Variants in LRP1B observed in about 807,000 individuals in gnomAD.
LRP1B encodes the protein low-density lipoprotein receptor-related protein 1B.
In LRP1B, 217 loss-of-function variants were observed where a neutral mutation model predicts 556.6. That is an observed-to-expected ratio of 0.39 (90% CI 0.35 to 0.44). LRP1B has a LOEUF of 0.44. Among genes scored for constraint, LRP1B ranks in the 20% least tolerant of loss-of-function variants. The probability of loss-of-function intolerance (pLI) is 1.00; values close to 1 mark genes in which losing one functional copy is unlikely to be tolerated. For missense variants in LRP1B, 5,053 were observed against 5,620.8 expected (o/e 0.90, Z 3.23); for synonymous variants, 2,047 against 1,865.8 (o/e 1.10, Z -2.50).
In LRP1B at chr2:142,023,918, A is replaced by C. The variant is rs572526222; in HGVS notation, c.82+106730T>G. ...TCTAGTTTTGCTTTTAATTTATATA[A>C]TACTACTACTTATTTTCTCTCTCAT... On this transcript the variant is annotated intron_variant, in intron 1 of 90. Transcript: ENST00000389484. Among the ~76,000 whole-genome samples the C allele has an allele frequency of 1.2e-4, 18 of 152,282 alleles. 1 individual carries two copies. The highest frequency in any genetic ancestry group is 3.4e-3 in the Middle Eastern group (1 of 294).
intron 32 of LRP1B, among the ~76,000 whole-genome samples, chr2:140,792,693 G>T (rs1231314104): frequency 6.6e-6 from 1 of 152,062 alleles, no homozygotes; most frequent in Non-Finnish European, 1.5e-5. Flanking sequence ...TAAGGAAAAA[G>T]AACCAGATGT....
chr2:140,429,188 T>C (rs983819579), intron 66 of LRP1B, among the ~76,000 whole-genome samples: 50 of 152,168 alleles, frequency 3.3e-4, no homozygotes, highest in Admixed American at 3.1e-3. Context: ...TGCTACAGCA[T>C]GGCCTTTTAA....
intron 7 of LRP1B, among the ~76,000 whole-genome samples, chr2:141,101,095 T>C (rs191827016): frequency 1.7e-4 from 26 of 152,066 alleles, no homozygotes; most frequent in African/African-American, 6.3e-4. Flanking sequence ...AGAGGAATGC[T>C]CACTGACTTG....
chr2:140,271,129 C>A (rs1682441340), intron 85 of LRP1B, among the ~76,000 whole-genome samples: 1 of 151,670 alleles, frequency 6.6e-6, no homozygotes, highest in Admixed American at 6.6e-5. Context: ...ACATTTTTTA[C>A]TTGCCATGTT....
At chr2:141,407,631 C>T (rs531707972) in intron 3 of LRP1B, among the ~76,000 whole-genome samples, 38 of 152,226 alleles carry the variant, frequency 2.5e-4, no homozygotes, top group African/African-American at 8.2e-4. Flanking sequence ...CTCTCACTTG[C>T]TCCTGCTTTC....
At chr2:141,820,392 T>C (rs1342688873) in intron 1 of LRP1B, among the ~76,000 whole-genome samples, 1 of 152,188 alleles carries the variant, frequency 6.6e-6, no homozygotes, top group Non-Finnish European at 1.5e-5. Flanking sequence ...CAAAAATGCT[T>C]GAACTAGGAC....
intron 2 of LRP1B, among the ~76,000 whole-genome samples, chr2:141,743,501 C>CTTTTTTTTTTTTTTTTTTTTTTTTTTTTT (rs796287062): frequency 3.4e-5 from 4 of 119,038 alleles, no homozygotes; most frequent in African/African-American, 3.7e-5. Context: ...TTTTTTTTTT[C>CTTTTTTTTTTTTTTTTTTTTTTTTTTTTT]TTTTTTTTTT....
intron 12 of LRP1B, among the ~76,000 whole-genome samples, chr2:141,016,924 C>T (rs1049641658): frequency 3.9e-5 from 6 of 152,218 alleles, no homozygotes; most frequent in South Asian, 2.1e-4. Context: ...GTCACCATGA[C>T]GAAAAATCCT....
chr2:141,623,176 T>A (rs1288155902), intron 2 of LRP1B, among the ~76,000 whole-genome samples: 7 of 151,848 alleles, frequency 4.6e-5, no homozygotes, highest in South Asian at 2.1e-4. Flanking sequence ...TCACTTAATT[T>A]AAAAAAAAAT....
chr2:140,352,874 T>A (rs895297955), intron 76 of LRP1B, 79 bp downstream of exon 76: 5 of 1,381,718 alleles, frequency 3.6e-6, no homozygotes, highest in Non-Finnish European at 5.0e-6. Context: ...GTTGCTGGAA[T>A]GAAATATAAA....
chr2:140,973,052 T>TTATATATATATATATA lies in LRP1B; in HGVS notation c.2887+9092_2887+9107dup, dbSNP rs200336213. Reference sequence around the variant, plus strand: ...ATGCTTTCATTAAATATATTTCATTTTATATATATATATATATATATATAT... The same window carrying TTATATATATATATATA: ...ATGCTTTCATTAAATATATTTCATTTTATATATATATATATATATATATATATATATATATATATAT... On this transcript the variant is annotated intron_variant, in intron 18 of 90. Transcript: ENST00000389484. 1.7e-3 allele frequency among the ~76,000 whole-genome samples: 229 copies of TTATATATATATATATA among 138,542 alleles called. 1 individual carries two copies. The highest frequency in any genetic ancestry group is 0.016 in the East Asian group (73 of 4,456). The allele number at this position is 138,542 out of a possible 152,430, so 90.9% of individuals were successfully genotyped here. A position where few individuals can be genotyped will look rare whatever the true frequency, so the allele number is the denominator to read the frequency against.
intron 2 of LRP1B, among the ~76,000 whole-genome samples, chr2:141,766,115 C>T (rs1694724168): frequency 6.6e-6 from 1 of 152,038 alleles, no homozygotes; most frequent in African/African-American, 2.4e-5. Flanking sequence ...GGGTAATTAG[C>T]TGGAGCTGTT....
chr2:141,973,523 T>C (rs1305568781), intron 1 of LRP1B, among the ~76,000 whole-genome samples: 1 of 151,842 alleles, frequency 6.6e-6, no homozygotes, highest in Non-Finnish European at 1.5e-5. Flanking sequence ...TTGATTCACA[T>C]TTAATCTGTG....
chr2:141,599,657 G>A (rs1389166573), intron 2 of LRP1B, among the ~76,000 whole-genome samples: 2 of 151,980 alleles, frequency 1.3e-5, no homozygotes, highest in Non-Finnish European at 1.5e-5. Flanking sequence ...ATGATATAAA[G>A]GGCATAAAGA....
intron 2 of LRP1B, among the ~76,000 whole-genome samples, chr2:141,496,158 A>G (rs1683501189): frequency 6.6e-6 from 1 of 151,810 alleles, no homozygotes; most frequent in Non-Finnish European, 1.5e-5. Flanking sequence ...TTATTAAACA[A>G]TTTCACCATT....
intron 7 of LRP1B, among the ~76,000 whole-genome samples, chr2:141,185,326 GACCTACT>G (rs565125893): frequency 3.2e-4 from 48 of 152,084 alleles, no homozygotes; most frequent in African/African-American, 9.9e-4. Context: ...AAGAAGCAGA[GACCTACT>G]AACCATCTGA....
At chr2:140,583,175 T>TC (rs1553491152) in intron 43 of LRP1B, among the ~76,000 whole-genome samples, 15,303 of 137,278 alleles carry the variant, frequency 0.11, 1,126 homozygotes, top group African/African-American at 0.17. Flanking sequence ...TTTTTTCTTT[T>TC]TTTTTTTTTT....
chr2:140,707,124 T>C (rs1686867822), intron 37 of LRP1B, among the ~76,000 whole-genome samples: 1 of 152,136 alleles, frequency 6.6e-6, no homozygotes, highest in Admixed American at 6.6e-5. Flanking sequence ...CTAAACTGTT[T>C]CCCTAGAGCT....
chr2:140,554,279 T>G (rs1680649558), intron 43 of LRP1B, among the ~76,000 whole-genome samples: 1 of 151,882 alleles, frequency 6.6e-6, no homozygotes. Flanking sequence ...TTATAGCCAC[T>G]GCTAAATGGA....
Sources: gnomAD v4.1 joint callset for allele counts (sites outside exome capture counted in the v4.1 genomes callset) on GRCh38, gnomAD v4.1.1 for gene constraint, MANE v1.5 for transcripts, NCBI Gene and HGNC (gene_info 2026-07-23, HGNC 2026-07-21) for gene names.